The following DOCK3 variants were observed in gnomAD, a reference collection of about 807,000 sequenced individuals.
DOCK3 encodes the protein dedicator of cytokinesis 3.
A neutral mutation model predicts 265.6 loss-of-function variants in DOCK3; 60 were observed. The observed-to-expected ratio is 0.23, with a 90% CI of 0.18 to 0.28. DOCK3 has a LOEUF of 0.28. DOCK3 is among the 10% of genes least tolerant of loss of function. The probability of loss-of-function intolerance (pLI) is 1.00; values close to 1 mark genes in which losing one functional copy is unlikely to be tolerated. For missense variants in DOCK3, 1,981 were observed against 2,594.3 expected (o/e 0.76, Z 5.14); for synonymous variants, 881 against 938.0 (o/e 0.94, Z 1.11).
intron 4 of DOCK3, among the ~76,000 whole-genome samples, chr3:50,918,934 C>T (rs934183090): frequency 1.3e-4 from 19 of 151,996 alleles, no homozygotes; most frequent in Non-Finnish European, 1.8e-4. Context: ...AATTAATTTT[C>T]GTATAAAGTG....
At chr3:51,309,271 C>T (rs1328752387) in intron 27 of DOCK3, among the ~76,000 whole-genome samples, 1 of 152,218 alleles carries the variant, frequency 6.6e-6, no homozygotes, top group Admixed American at 6.5e-5. Context: ...GAGATCACGC[C>T]ACTGCACTCC....
chr3:51,185,265 T>C (rs2107773598), intron 12 of DOCK3, among the ~76,000 whole-genome samples: 1 of 152,254 alleles, frequency 6.6e-6, no homozygotes, highest in South Asian at 2.1e-4. Flanking sequence ...AAATAAAGTG[T>C]TAATAATAGG....
intron 46 of DOCK3, among the ~76,000 whole-genome samples, chr3:51,360,210 CT>C (rs1002116294): frequency 2.0e-4 from 30 of 152,280 alleles, no homozygotes; most frequent in African/African-American, 7.2e-4. Flanking sequence ...GCGAGAAAAC[CT>C]GTTAACACAC....
rs564746744 is a variant in DOCK3 at position 50,933,576 on chromosome 3, AT to A, written c.219-394del. On this transcript the variant is annotated intron_variant, in intron 4 of 52. Coordinates refer to ENST00000266037, the MANE Select transcript of DOCK3 (RefSeq NM_004947.5). ...TCCACAACCCCCCACATTTTTCCAG[AT>A]TTTTTTTTTTAACTGAGGGTATGAG... Among the ~76,000 whole-genome samples, 394 of 147,778 alleles carry A rather than the reference AT, an allele frequency of 2.7e-3. 3 individuals carry two copies. The highest frequency in any genetic ancestry group is 7.4e-3 in the African/African-American group (301 of 40,646).
chr3:51,103,819 G>A (rs2083174292), intron 9 of DOCK3, among the ~76,000 whole-genome samples: 1 of 152,146 alleles, frequency 6.6e-6, no homozygotes, highest in Non-Finnish European at 1.5e-5. Context: ...AAAACTGGGA[G>A]GATATTCACT....
Position 51,383,107 on chromosome 3 carries a change from C to T in DOCK3, c.*1548C>T, listed in dbSNP as rs2088765689. The stretch of plus-strand genomic sequence containing the variant: ...AGGCCCTGGGCCCAAGCCCCTTGTC[C>T]CTTCTCCACTGCCCCTCTTTCCAGA... On this transcript the variant is annotated 3_prime_UTR_variant, in exon 53 of 53. Coordinates refer to ENST00000266037, the MANE Select transcript of DOCK3 (RefSeq NM_004947.5). The T allele has an allele frequency of 1.3e-5, 2 of 152,272 alleles. No individual in the cohort carries two copies. The highest frequency in any genetic ancestry group is 1.3e-4 in the Admixed American group (2 of 15,288). The allele number at this position is 152,272 out of a possible 1,614,324, so 9.4% of individuals were successfully genotyped here. A position where few individuals can be genotyped will look rare whatever the true frequency, so the allele number is the denominator to read the frequency against.
chr3:51,119,774 G>A (rs188500607), intron 9 of DOCK3, among the ~76,000 whole-genome samples: 35 of 151,856 alleles, frequency 2.3e-4, no homozygotes, highest in Middle Eastern at 3.4e-3. Flanking sequence ...ACTTGTGTAT[G>A]CTTCACAAAG....
chr3:50,716,626 GTTATGT>G (rs1219874320), intron 1 of DOCK3, among the ~76,000 whole-genome samples: 1 of 150,996 alleles, frequency 6.6e-6, no homozygotes, highest in African/African-American at 2.4e-5. Context: ...TTATGTTTTG[GTTATGT>G]TTATGTTTAT....
intron 4 of DOCK3, among the ~76,000 whole-genome samples, chr3:50,923,863 G>A (rs971172119): frequency 6.6e-6 from 1 of 152,156 alleles, no homozygotes; most frequent in East Asian, 1.9e-4. Flanking sequence ...TTACCACAGA[G>A]CATGATAGTA....
At chr3:51,016,566 T>TATATG (rs1292084748) in intron 5 of DOCK3, among the ~76,000 whole-genome samples, 3 of 89,106 alleles carry the variant, frequency 3.4e-5, no homozygotes, top group Admixed American at 1.8e-4. Context: ...TCATATATTA[T>TATATG]ATATATATTT....
intron 2 of DOCK3, among the ~76,000 whole-genome samples, chr3:50,839,400 A>G (rs1379873): frequency 0.099 from 15,105 of 152,216 alleles, 927 homozygotes; most frequent in Non-Finnish European, 0.13. Context: ...TAGTTTTGTT[A>G]GAAACTGCCA....
chr3:50,735,701 C>T (rs1226030503), intron 1 of DOCK3, among the ~76,000 whole-genome samples: 26 of 152,098 alleles, frequency 1.7e-4, no homozygotes, highest in Admixed American at 1.7e-3. Flanking sequence ...TGCCCTTTTT[C>T]TGTGTTCATT....
intron 6 of DOCK3, among the ~76,000 whole-genome samples, chr3:51,065,702 A>C (rs4572801): frequency 0.75 from 113,926 of 152,076 alleles, 43,864 homozygotes; most frequent in Middle Eastern, 0.88. Context: ...AACTCTCCAC[A>C]TTCTGGCATT....
At chr3:50,990,796 C>T (rs914643473) in intron 5 of DOCK3, among the ~76,000 whole-genome samples, 5 of 152,100 alleles carry the variant, frequency 3.3e-5, no homozygotes, top group African/African-American at 1.2e-4. Flanking sequence ...CTAATGTTTC[C>T]ATGTTCTTCT....
At chr3:50,680,207 TTTTC>T (rs777482607) in intron 1 of DOCK3, among the ~76,000 whole-genome samples, 3 of 150,494 alleles carry the variant, frequency 2.0e-5, no homozygotes, top group Non-Finnish European at 4.5e-5. Flanking sequence ...ATTTTTTTCT[TTTTC>T]TTTCTTTTTT....
At chr3:51,165,272 C>A (rs1223427323) in intron 12 of DOCK3, among the ~76,000 whole-genome samples, 4 of 152,028 alleles carry the variant, frequency 2.6e-5, no homozygotes, top group Admixed American at 6.6e-5. Context: ...GGGTGAAGGC[C>A]CATTGGGCCA....
intron 12 of DOCK3, among the ~76,000 whole-genome samples, chr3:51,179,201 A>C (rs919408137): frequency 6.6e-6 from 1 of 152,228 alleles, no homozygotes; most frequent in Non-Finnish European, 1.5e-5. Context: ...AAAATTGTTC[A>C]TAGGAAAAAC....
chr3:51,119,619 G>T (rs772650622), intron 9 of DOCK3, among the ~76,000 whole-genome samples: 1 of 151,930 alleles, frequency 6.6e-6, no homozygotes, highest in Non-Finnish European at 1.5e-5. Context: ...ATGTAGGTTT[G>T]GTCTTTTCAC....
chr3:50,747,728 G>A (rs1262509796), intron 1 of DOCK3, among the ~76,000 whole-genome samples: 1 of 152,130 alleles, frequency 6.6e-6, no homozygotes, highest in African/African-American at 2.4e-5. Flanking sequence ...GCTGGGCATG[G>A]TGGCGCATGC....
Sources: allele counts gnomAD v4.1 joint callset (sites outside exome capture counted in the v4.1 genomes callset), GRCh38; gene constraint gnomAD v4.1.1; transcripts MANE v1.5; gene names NCBI Gene and HGNC (gene_info 2026-07-23, HGNC 2026-07-21).